The following ATXN1 variants were observed in gnomAD, a reference collection of about 807,000 sequenced individuals.
ATXN1 encodes ataxin 1, also known as ataxin-1.
ATXN1 carries 8 observed loss-of-function variants against 56.4 expected under a neutral mutation model. The ratio of observed to expected loss-of-function variants is 0.14; its 90% CI spans 0.08 to 0.26. The LOEUF is 0.26. Among genes scored for constraint, ATXN1 ranks in the 10% least tolerant of loss-of-function variants. The pLI, the probability that ATXN1 is intolerant of heterozygous loss-of-function variation, is 1.00. For missense variants in ATXN1, 987 were observed against 1,106.5 expected (o/e 0.89, Z 1.53); for synonymous variants, 514 against 494.6 (o/e 1.04, Z -0.52).
intron 5 of ATXN1, among the ~76,000 whole-genome samples, chr6:16,498,036 T>C (rs1366949979): frequency 6.6e-6 from 1 of 152,146 alleles, no homozygotes; most frequent in Non-Finnish European, 1.5e-5. Flanking sequence ...GTTTTTAAAG[T>C]GTGTAAGTCA....
intron 6 of ATXN1, among the ~76,000 whole-genome samples, chr6:16,353,100 C>G (rs1761605948): frequency 6.6e-6 from 1 of 152,106 alleles, no homozygotes; most frequent in Non-Finnish European, 1.5e-5. Context: ...GAGAACAGCA[C>G]GCAACTTAAA....
intron 3 of ATXN1, among the ~76,000 whole-genome samples, chr6:16,637,143 A>AT (rs1763612500): frequency 6.6e-6 from 1 of 152,220 alleles, no homozygotes; most frequent in African/African-American, 2.4e-5. Context: ...TGGCACATAT[A>AT]CACCATGGAA....
At chr6:16,595,357 G>A (rs909600061) in intron 3 of ATXN1, among the ~76,000 whole-genome samples, 3 of 152,214 alleles carry the variant, frequency 2.0e-5, no homozygotes, top group Admixed American at 6.5e-5. Context: ...GGTGAGCTAC[G>A]AATCGGCCCG....
rs775974389 is a variant in ATXN1 at position 16,328,020 on chromosome 6, G to A, written c.291C>T (p.Pro97=). 2.9e-5 allele frequency: 47 copies of A among 1,613,434 alleles called. No homozygotes were observed. The highest frequency in any genetic ancestry group is 3.7e-5 in the Non-Finnish European group (44 of 1,179,732). Residue 97 remains proline (P), a synonymous_variant, in exon 7 of 8, where the codon CCC becomes CCT. Transcript: ENST00000436367. This position sits in a 1 kb window ranked among gnomAD's most constrained non-coding sequence, Gnocchi z 6.2. ...YSPPSAPRSV[P]VATTLPAAYA... ...ACGCGGCAGGCAGCGTGGTGGCCAC[G>A]GGGACAGACCTGGGAGCGCTGGGCG...
intron 6 of ATXN1, among the ~76,000 whole-genome samples, chr6:16,453,593 T>C (rs1759800712): frequency 6.6e-6 from 1 of 152,204 alleles, no homozygotes; most frequent in African/African-American, 2.4e-5. Context: ...ATCATTATCA[T>C]CATCATCATC....
chr6:16,663,901 A>C (rs1474311315), intron 2 of ATXN1, among the ~76,000 whole-genome samples: 3 of 152,164 alleles, frequency 2.0e-5, no homozygotes, highest in Non-Finnish European at 4.4e-5. Context: ...TGTACCCACA[A>C]CCAATGGAAA....
intron 3 of ATXN1, among the ~76,000 whole-genome samples, chr6:16,619,450 T>G (rs1373296229): frequency 6.6e-6 from 1 of 152,180 alleles, no homozygotes. Flanking sequence ...AAACTTACGA[T>G]AGGCCCTAAG....
chr6:16,494,093 G>A lies in ATXN1; in HGVS notation c.-298-7984C>T, dbSNP rs142644102. Among the ~76,000 whole-genome samples the A allele has an allele frequency of 1.0e-3, 10 of 9,938 alleles. No homozygotes were observed. In the Admixed American group the frequency reaches 0.012, roughly 11 times the overall value. The allele number at this position is 9,938 out of a possible 152,430, so 6.5% of individuals were successfully genotyped here. On this transcript the variant is annotated intron_variant, in intron 5 of 7. Coordinates refer to ENST00000436367, the MANE Select transcript of ATXN1 (RefSeq NM_001128164.2). ...CCTTTCCCATGGAGAGGCATCTCCA[G>A]TGCAGGGCTGGACTGAGAGGCATCT...
chr6:16,688,939 A>ATG (rs369795271), intron 2 of ATXN1, among the ~76,000 whole-genome samples: 2 of 151,802 alleles, frequency 1.3e-5, no homozygotes, highest in African/African-American at 2.4e-5. Context: ...ATGTGTGTGT[A>ATG]TGTGTGTGTG....
chr6:16,633,157 G>A (rs116784848), intron 3 of ATXN1, among the ~76,000 whole-genome samples: 1 of 152,250 alleles, frequency 6.6e-6, no homozygotes, highest in African/African-American at 2.4e-5. Flanking sequence ...TGGTCATTTT[G>A]TTATAAAGAA....
intron 4 of ATXN1, among the ~76,000 whole-genome samples, chr6:16,568,102 C>T (rs1405729754): frequency 6.6e-6 from 1 of 152,226 alleles, no homozygotes; most frequent in African/African-American, 2.4e-5. Flanking sequence ...TATTTCTGCG[C>T]CCCCTTCTTT....
intron 4 of ATXN1, among the ~76,000 whole-genome samples, chr6:16,572,474 C>T (rs1009140628): frequency 1.3e-5 from 2 of 152,138 alleles, no homozygotes; most frequent in Non-Finnish European, 2.9e-5. Context: ...GCCATACCTC[C>T]CCAAGACTGA....
chr6:16,718,367 A>C (rs1759679929), intron 2 of ATXN1, among the ~76,000 whole-genome samples: 1 of 152,248 alleles, frequency 6.6e-6, no homozygotes, highest in African/African-American at 2.4e-5. Context: ...AATGCCCCCA[A>C]ACCAAGGAAG....
At chr6:16,513,008 A>G (rs1312435067) in intron 5 of ATXN1, among the ~76,000 whole-genome samples, 1 of 152,252 alleles carries the variant, frequency 6.6e-6, no homozygotes, top group East Asian at 1.9e-4. Context: ...AGGCTTTCTA[A>G]GTAAAATATC....
In ATXN1 at chr6:16,694,545, C is replaced by T. The variant is rs865872498; in HGVS notation, c.-614-36644G>A. On this transcript the variant is annotated intron_variant, in intron 2 of 7. Transcript: ENST00000436367. ...GTAACAAAATAATGAAAGGCTAAACCGTATTATGGTTGTAAAAGCACAGTT... is the reference window on the plus strand; with the variant it reads ...GTAACAAAATAATGAAAGGCTAAACTGTATTATGGTTGTAAAAGCACAGTT... Among the ~76,000 whole-genome samples the T allele has an allele frequency of 3.9e-5, 6 of 152,090 alleles. No homozygotes were observed. The South Asian group carries it at 6.2e-4, about 16-fold the overall frequency.
intron 6 of ATXN1, among the ~76,000 whole-genome samples, chr6:16,362,288 C>A (rs1428104877): frequency 1.3e-5 from 2 of 152,174 alleles, no homozygotes; most frequent in African/African-American, 4.8e-5. Flanking sequence ...TTGTAAAAAT[C>A]TGGAGCTTAA....
At chr6:16,660,699 A>C (rs896105732) in intron 2 of ATXN1, among the ~76,000 whole-genome samples, 3 of 152,182 alleles carry the variant, frequency 2.0e-5, no homozygotes, top group Non-Finnish European at 4.4e-5. Context: ...CAACTATCTT[A>C]TATGATTTAC....
chr6:16,436,504 G>A (rs763586492), intron 6 of ATXN1, among the ~76,000 whole-genome samples: 67 of 152,146 alleles, frequency 4.4e-4, no homozygotes, highest in Non-Finnish European at 8.1e-4. Flanking sequence ...AAGCTTGTCA[G>A]TCAAAAAAGA....
chr6:16,316,865 C>CTTTTTTTTTTTTTTTTTTTTT lies in ATXN1; in HGVS notation c.1917+9508_1917+9528dup, dbSNP rs375359789. ...AGGGGGCAATAGAGAGACTGCCTGT[C>CTTTTTTTTTTTTTTTTTTTTT]TTTTTTTTTTTTTTTTTTTTTTTTT... On this transcript the variant is annotated intron_variant, in intron 7 of 7. Coordinates refer to ENST00000436367, the MANE Select transcript of ATXN1 (RefSeq NM_001128164.2). Among the ~76,000 whole-genome samples, 75 of 99,450 alleles carry CTTTTTTTTTTTTTTTTTTTTT rather than the reference C, an allele frequency of 7.5e-4. 8 individuals are homozygous for CTTTTTTTTTTTTTTTTTTTTT. The highest frequency in any genetic ancestry group is 1.3e-3 in the South Asian group (3 of 2,346). 65.2% of individuals were successfully genotyped at this position (99,450 alleles called of 152,430 possible). A position where few individuals can be genotyped will look rare whatever the true frequency, so the allele number is the denominator to read the frequency against.
Sources: gnomAD v4.1 joint callset for allele counts (sites outside exome capture counted in the v4.1 genomes callset) on GRCh38, gnomAD v4.1.1 for gene constraint, Gnocchi (gnomAD v3.1) non-coding constraint, MANE v1.5 for transcripts, NCBI Gene and HGNC (gene_info 2026-07-23, HGNC 2026-07-21) for gene names.